BBX: variants seen among roughly 807,000 people sequenced by gnomAD.
The protein encoded by BBX is BBX high mobility group box domain containing, also known as HMG box transcription factor BBX.
Under a neutral mutation model 100.2 loss-of-function variants are expected in BBX, and 30 were observed. The ratio of observed to expected loss-of-function variants is 0.30; its 90% CI spans 0.22 to 0.41. BBX has a LOEUF of 0.41. Ranked by LOEUF, BBX falls within the 10% of genes least tolerant of loss-of-function variation. BBX has a pLI of 1.00. For synonymous variants in BBX, 376 were observed against 388.1 expected, an observed-to-expected ratio of 0.97 and a Z score of 0.37; for missense variants, 1,023 against 1,129.8, an observed-to-expected ratio of 0.91 and a Z score of 1.35.
chr3:107,701,638 C>G (rs1576411725), intron 3 of BBX, among the ~76,000 whole-genome samples: 1 of 152,252 alleles, frequency 6.6e-6, no homozygotes, highest in South Asian at 2.1e-4. Context: ...AATATGTATT[C>G]AACTGCATTG....
At chr3:107,646,588 ATGCCTAGAGTT>A (rs1031714322) in intron 3 of BBX, among the ~76,000 whole-genome samples, 10 of 152,098 alleles carry the variant, frequency 6.6e-5, no homozygotes, top group African/African-American at 2.4e-4. Flanking sequence ...AATTACTTAA[ATGCCTAGAGTT>A]TTCCCAATCT....
chr3:107,794,250 A>G (rs911011329), intron 15 of BBX, among the ~76,000 whole-genome samples: 1 of 152,120 alleles, frequency 6.6e-6, no homozygotes, highest in African/African-American at 2.4e-5. Context: ...TTCCCAGTGA[A>G]TTAAGGAGGG....
chr3:107,624,332 G>GT (rs907230367), intron 2 of BBX, among the ~76,000 whole-genome samples: 24 of 151,394 alleles, frequency 1.6e-4, no homozygotes, highest in African/African-American at 4.4e-4. Flanking sequence ...CATCAGCCTT[G>GT]TTTTTTTTGT....
At chr3:107,533,347 T>C (rs933904429) in intron 2 of BBX, among the ~76,000 whole-genome samples, 5 of 152,212 alleles carry the variant, frequency 3.3e-5, no homozygotes, top group Non-Finnish European at 7.4e-5. Flanking sequence ...TTTGCTAACT[T>C]TGATCACTGA....
At chr3:107,562,827 A>T (rs2050605968) in intron 2 of BBX, among the ~76,000 whole-genome samples, 1 of 152,220 alleles carries the variant, frequency 6.6e-6, no homozygotes, top group East Asian at 1.9e-4. Context: ...CGTGCTTCAG[A>T]CTTGTACAAA....
chr3:107,763,864 A>T (rs1035548549), intron 10 of BBX, among the ~76,000 whole-genome samples: 1 of 152,116 alleles, frequency 6.6e-6, no homozygotes, highest in Non-Finnish European at 1.5e-5. Flanking sequence ...ATTTTTATTG[A>T]CAGAGGTAAT....
chr3:107,576,033 C>T (rs960186838), intron 2 of BBX, among the ~76,000 whole-genome samples: 1 of 151,932 alleles, frequency 6.6e-6, no homozygotes, highest in African/African-American at 2.4e-5. Flanking sequence ...AAGACTTTGT[C>T]TCAAAGTAAA....
chr3:107,744,002 T>C, intron 7 of BBX, among the ~76,000 whole-genome samples: 1 of 148,842 alleles, frequency 6.7e-6, no homozygotes, highest in Middle Eastern at 3.5e-3. Context: ...TATTAAAAAG[T>C]ATTTGTAACT....
intron 2 of BBX, among the ~76,000 whole-genome samples, chr3:107,575,024 ACAAAAAGGTGG>A (rs936936820): frequency 1.1e-4 from 17 of 152,356 alleles, no homozygotes; most frequent in African/African-American, 4.1e-4. Context: ...ACATAAACCC[ACAAAAAGGTGG>A]CAATTATGCA....
intron 3 of BBX, among the ~76,000 whole-genome samples, chr3:107,685,753 T>C (rs1405306631): frequency 6.6e-6 from 1 of 152,248 alleles, no homozygotes; most frequent in Non-Finnish European, 1.5e-5. Context: ...ATTTTTGTCT[T>C]TATTGATTTC....
intron 2 of BBX, among the ~76,000 whole-genome samples, chr3:107,577,250 A>G (rs1393862440): frequency 6.6e-6 from 1 of 152,160 alleles, no homozygotes; most frequent in Non-Finnish European, 1.5e-5. Flanking sequence ...TGGATCGCTG[A>G]TATGCCTGCT....
Position 107,548,846 on chromosome 3 carries a change from T to G in BBX, c.-84+22448T>G, listed in dbSNP as rs549829168. ...AAAATCATGTCCTTTGCAGCAACAT[T>G]GATGCAACTGGAGACCATCATCCTA... On this transcript the variant is annotated intron_variant, in intron 2 of 17. Transcript: ENST00000325805. Among the ~76,000 whole-genome samples the G allele has an allele frequency of 3.9e-5, 6 of 152,304 alleles. No homozygotes were observed. In the South Asian group the frequency reaches 1.2e-3, roughly 32 times the overall value.
chr3:107,648,069 A>G (rs1256884991), intron 3 of BBX, among the ~76,000 whole-genome samples: 1 of 152,194 alleles, frequency 6.6e-6, no homozygotes, highest in Non-Finnish European at 1.5e-5. Flanking sequence ...AACAGTACAT[A>G]TTTTAACTAT....
intron 2 of BBX, among the ~76,000 whole-genome samples, chr3:107,549,869 C>CT (rs34639576): frequency 0.014 from 1,836 of 134,966 alleles, 21 homozygotes; most frequent in African/African-American, 0.027. Context: ...TTGTTCTTAC[C>CT]TTTTTTTTTT....
intron 2 of BBX, among the ~76,000 whole-genome samples, chr3:107,545,365 G>GAGGAA (rs2049157606): frequency 6.6e-6 from 1 of 152,216 alleles, no homozygotes; most frequent in Non-Finnish European, 1.5e-5. Context: ...AATCTGTGAT[G>GAGGAA]AGGAAAGTGG....
At chr3:107,710,360 A>T in intron 3 of BBX, 92 bp from the exon 4 acceptor site, 2 of 1,048,856 alleles carry the variant, frequency 1.9e-6, no homozygotes, top group Admixed American at 5.8e-5. Flanking sequence ...GGAGCTAAAT[A>T]AACTAATTGT....
In BBX at chr3:107,602,404, C is replaced by T. The variant is rs538325900; in HGVS notation, c.-83-43432C>T. Among the ~76,000 whole-genome samples, 4 of 152,302 alleles carry T rather than the reference C, an allele frequency of 2.6e-5. No individual in the cohort carries two copies. In the South Asian group the frequency reaches 8.3e-4, roughly 32 times the overall value. On this transcript the variant is annotated intron_variant, in intron 2 of 17. Transcript: ENST00000325805. ...AAACCTTCTGGAAAGATTCACCATT[C>T]TAGATGCCATTAAGAATATTGGTGA...
At chr3:107,732,115 C>A (rs557154170) in intron 6 of BBX, among the ~76,000 whole-genome samples, 1 of 152,044 alleles carries the variant, frequency 6.6e-6, no homozygotes, top group African/African-American at 2.4e-5. Context: ...TGCAGTGTTG[C>A]GATCTTAGCT....
At chr3:107,763,107 A>G (rs193002127) in intron 10 of BBX, among the ~76,000 whole-genome samples, 1 of 152,146 alleles carries the variant, frequency 6.6e-6, no homozygotes, top group South Asian at 2.1e-4. Flanking sequence ...ATGTGCAAGT[A>G]TTTCAAAATT....
Sources: gnomAD v4.1 joint callset for allele counts (sites outside exome capture counted in the v4.1 genomes callset) on GRCh38, gnomAD v4.1.1 for gene constraint, MANE v1.5 for transcripts, NCBI Gene and HGNC (gene_info 2026-07-23, HGNC 2026-07-21) for gene names.